The following GPC5 variants were observed in gnomAD, a reference collection of about 807,000 sequenced individuals.
The protein encoded by GPC5 is glypican 5.
In GPC5, 47 loss-of-function variants were observed where a neutral mutation model predicts 53.9. That is an observed-to-expected ratio of 0.87 (90% CI 0.69 to 1.11). GPC5 has a LOEUF of 1.11. GPC5 is among the 50% of genes most tolerant of loss of function. GPC5 has a pLI of 0.00. For missense variants in GPC5, 748 were observed against 713.1 expected, an observed-to-expected ratio of 1.05 and a Z score of -0.56; for synonymous variants, 286 against 263.3, an observed-to-expected ratio of 1.09 and a Z score of -0.84.
intron 5 of GPC5, among the ~76,000 whole-genome samples, chr13:91,883,769 ATTT>A: frequency 6.6e-6 from 1 of 151,970 alleles, no homozygotes; most frequent in South Asian, 2.1e-4. Context: ...CCATTGAAAG[ATTT>A]TTTTTATTTT....
At chr13:92,169,313 C>G (rs2042053364) in intron 7 of GPC5, among the ~76,000 whole-genome samples, 1 of 152,144 alleles carries the variant, frequency 6.6e-6, no homozygotes, top group Non-Finnish European at 1.5e-5. Context: ...ACCTGCACAT[C>G]CTGTACATGT....
intron 7 of GPC5, among the ~76,000 whole-genome samples, chr13:92,860,451 A>C (rs1879145974): frequency 6.6e-6 from 1 of 152,078 alleles, no homozygotes; most frequent in South Asian, 2.1e-4. Context: ...CCTCAACTCA[A>C]CTGACCCAAC....
intron 7 of GPC5, among the ~76,000 whole-genome samples, chr13:92,480,226 T>C (rs1237538690): frequency 1.3e-5 from 2 of 152,192 alleles, no homozygotes; most frequent in African/African-American, 2.4e-5. Flanking sequence ...TAACATCAGA[T>C]GGTGCTAAGA....
chr13:92,685,462 A>G (rs895930068), intron 7 of GPC5, among the ~76,000 whole-genome samples: 2 of 151,960 alleles, frequency 1.3e-5, no homozygotes, highest in African/African-American at 4.8e-5. Flanking sequence ...TATATTTGTA[A>G]TAAGTTCTGA....
At chr13:92,850,585 C>A (rs970130515) in intron 7 of GPC5, among the ~76,000 whole-genome samples, 3 of 151,634 alleles carry the variant, frequency 2.0e-5, no homozygotes, top group Non-Finnish European at 4.4e-5. Flanking sequence ...GGCAACAGAG[C>A]GAGACTCCAT....
At chr13:91,969,840 G>A (rs139897583) in intron 6 of GPC5, among the ~76,000 whole-genome samples, 1 of 152,066 alleles carries the variant, frequency 6.6e-6, no homozygotes, top group Non-Finnish European at 1.5e-5. Flanking sequence ...TGGGATATCT[G>A]TTGTACAAAA....
At chr13:91,871,887 T>TGAAA (rs984637056) in intron 5 of GPC5, among the ~76,000 whole-genome samples, 1 of 151,856 alleles carries the variant, frequency 6.6e-6, no homozygotes, top group Non-Finnish European at 1.5e-5. Flanking sequence ...GGTGTGTGAC[T>TGAAA]GAAAGAAAGA....
intron 7 of GPC5, among the ~76,000 whole-genome samples, chr13:92,629,901 AC>A (rs1695517316): frequency 6.6e-6 from 1 of 152,200 alleles, no homozygotes; most frequent in Non-Finnish European, 1.5e-5. Context: ...ATCTTCAAAT[AC>A]TTGATGACAG....
chr13:92,787,887 A>T (rs1205704561), intron 7 of GPC5, among the ~76,000 whole-genome samples: 3 of 151,376 alleles, frequency 2.0e-5, no homozygotes, highest in African/African-American at 7.3e-5. Flanking sequence ...AAAAAAAAAA[A>T]AAAAAATACT....
intron 7 of GPC5, among the ~76,000 whole-genome samples, chr13:92,716,874 G>A (rs1888347554): frequency 6.6e-6 from 1 of 152,106 alleles, no homozygotes; most frequent in Admixed American, 6.6e-5. Context: ...AGGGAATGTG[G>A]ACATGAAATT....
chr13:92,511,038 T>A (rs1451424601), intron 7 of GPC5, among the ~76,000 whole-genome samples: 1 of 152,218 alleles, frequency 6.6e-6, no homozygotes, highest in Non-Finnish European at 1.5e-5. Flanking sequence ...TTTGTTAATA[T>A]CTAGATTGGT....
chr13:91,447,645 T>C (rs906511098), intron 1 of GPC5, among the ~76,000 whole-genome samples: 1 of 152,112 alleles, frequency 6.6e-6, no homozygotes, highest in Non-Finnish European at 1.5e-5. Flanking sequence ...GTGGAAAAAG[T>C]AGGAAGGGCT....
chr13:92,860,612 A>C (rs777383165), intron 7 of GPC5, among the ~76,000 whole-genome samples: 9 of 152,148 alleles, frequency 5.9e-5, no homozygotes, highest in Non-Finnish European at 1.2e-4. Flanking sequence ...CATGTGGCTA[A>C]TGTTAGCATA....
At chr13:92,281,370 G>A (rs138238845) in intron 7 of GPC5, among the ~76,000 whole-genome samples, 65 of 152,312 alleles carry the variant, frequency 4.3e-4, no homozygotes, top group African/African-American at 1.5e-3. Flanking sequence ...AGAAGTAAAT[G>A]TCCCTGTCTG....
intron 7 of GPC5, among the ~76,000 whole-genome samples, chr13:92,183,558 G>C (rs2042162654): frequency 6.6e-6 from 1 of 152,032 alleles, no homozygotes; most frequent in South Asian, 2.1e-4. Flanking sequence ...TTAAAATATA[G>C]TTAGCAATTT....
chr13:92,610,499 G>C (rs1884398840), intron 7 of GPC5, among the ~76,000 whole-genome samples: 1 of 152,090 alleles, frequency 6.6e-6, no homozygotes, highest in Non-Finnish European at 1.5e-5. Context: ...TCTCACAAAA[G>C]GAAAGTGTCG....
chr13:91,660,021 G>A (rs1157388440), intron 2 of GPC5, among the ~76,000 whole-genome samples: 1 of 152,184 alleles, frequency 6.6e-6, no homozygotes, highest in Non-Finnish European at 1.5e-5. Flanking sequence ...AAAAAAGAAA[G>A]GCTTCAGGTT....
intron 7 of GPC5, among the ~76,000 whole-genome samples, chr13:92,546,017 T>A (rs907240698): frequency 2.0e-5 from 3 of 152,116 alleles, no homozygotes; most frequent in Admixed American, 6.6e-5. Context: ...CTGAATGGTG[T>A]TGCCTAGGTT....
intron 7 of GPC5, among the ~76,000 whole-genome samples, chr13:92,502,107 C>T (rs1880206380): frequency 1.3e-5 from 2 of 151,966 alleles, no homozygotes; most frequent in African/African-American, 4.8e-5. Context: ...TTTATATGCT[C>T]TGGTTAAAAT....
Sources: gnomAD v4.1 joint callset for allele counts (sites outside exome capture counted in the v4.1 genomes callset) on GRCh38, gnomAD v4.1.1 for gene constraint, MANE v1.5 for transcripts, NCBI Gene and HGNC (gene_info 2026-07-23, HGNC 2026-07-21) for gene names.